The following DEPTOR variants were observed in gnomAD, a reference collection of about 807,000 sequenced individuals.
The protein encoded by DEPTOR is DEP domain-containing mTOR-interacting protein.
Under a neutral mutation model 41.6 loss-of-function variants are expected in DEPTOR, and 41 were observed. The observed-to-expected ratio is 0.98, with a 90% CI of 0.77 to 1.28. DEPTOR has a LOEUF of 1.28. Among genes scored for constraint, DEPTOR ranks in the 50% most tolerant of loss-of-function variants. The probability of loss-of-function intolerance (pLI) is 0.00; values close to 1 mark genes in which losing one functional copy is unlikely to be tolerated. For missense variants in DEPTOR, 514 were observed against 527.9 expected (o/e 0.97, Z 0.26); for synonymous variants, 195 against 192.3 (o/e 1.01, Z -0.12).
At chr8:119,920,094 G>GT (rs3029098) in intron 1 of DEPTOR, among the ~76,000 whole-genome samples, 7,493 of 150,936 alleles carry the variant, frequency 0.05, 283 homozygotes, top group South Asian at 0.17. Flanking sequence ...TAATAGGAAG[G>GT]TTTTTTTTTT....
At chr8:119,943,930 C>T (rs1015769323) in intron 3 of DEPTOR, among the ~76,000 whole-genome samples, 16 of 152,212 alleles carry the variant, frequency 1.1e-4, no homozygotes, top group African/African-American at 2.9e-4. Flanking sequence ...CTCCGCCTCC[C>T]GGGTTCACGC....
intron 1 of DEPTOR, among the ~76,000 whole-genome samples, chr8:119,908,443 A>AT (rs985969205): frequency 1.3e-5 from 2 of 152,112 alleles, no homozygotes; most frequent in South Asian, 4.2e-4. Flanking sequence ...GAAAAAAAAA[A>AT]TTTTTTTTAA....
intron 6 of DEPTOR, among the ~76,000 whole-genome samples, chr8:120,005,531 A>G (rs773140732): frequency 5.3e-5 from 8 of 152,090 alleles, no homozygotes; most frequent in Non-Finnish European, 2.9e-5. Context: ...CACTCTTTCC[A>G]GGACTGGTAC....
intron 8 of DEPTOR, among the ~76,000 whole-genome samples, chr8:120,046,655 C>G (rs1056711508): frequency 6.6e-6 from 1 of 152,134 alleles, no homozygotes; most frequent in African/African-American, 2.4e-5. Context: ...CGGAGTCTCA[C>G]TATGTTGTCC....
intron 3 of DEPTOR, among the ~76,000 whole-genome samples, chr8:119,946,149 G>C (rs1204321389): frequency 1.3e-5 from 2 of 152,018 alleles, no homozygotes; most frequent in Non-Finnish European, 2.9e-5. Context: ...GCTTCGGAGG[G>C]AAAACAAAGG....
At chr8:120,009,338 C>A (rs977092226) in intron 8 of DEPTOR, among the ~76,000 whole-genome samples, 1 of 152,100 alleles carries the variant, frequency 6.6e-6, no homozygotes, top group South Asian at 2.1e-4. Flanking sequence ...TCTAGCCAGG[C>A]GCGGTGGCTC....
intron 3 of DEPTOR, among the ~76,000 whole-genome samples, chr8:119,956,252 A>G (rs1828415469): frequency 6.6e-6 from 1 of 152,224 alleles, no homozygotes; most frequent in Non-Finnish European, 1.5e-5. Flanking sequence ...TCCTAAAATA[A>G]AATCCCACGA....
chr8:119,969,094 CA>C (rs111280654), intron 4 of DEPTOR, among the ~76,000 whole-genome samples: 100 of 137,560 alleles, frequency 7.3e-4, no homozygotes, highest in Non-Finnish European at 6.6e-4. Context: ...GACTCCATCT[CA>C]AAAAAAAAAA....
At chr8:119,996,077 T>C (rs1231763251) in intron 4 of DEPTOR, among the ~76,000 whole-genome samples, 1 of 152,210 alleles carries the variant, frequency 6.6e-6, no homozygotes, top group African/African-American at 2.4e-5. Flanking sequence ...ATTGTCACTT[T>C]TGTATGCTGA....
At chr8:119,991,116 CTTTT>C (rs201074261) in intron 4 of DEPTOR, among the ~76,000 whole-genome samples, 1,169 of 66,716 alleles carry the variant, frequency 0.018, 48 homozygotes, top group East Asian at 0.052. Context: ...TTCTTTCTTT[CTTTT>C]TTTTTTAAAT....
At chr8:120,043,283 T>C (rs1813107392) in intron 8 of DEPTOR, among the ~76,000 whole-genome samples, 1 of 152,086 alleles carries the variant, frequency 6.6e-6, no homozygotes, top group Admixed American at 6.6e-5. Flanking sequence ...CTGGCCCTAA[T>C]AGCCTAAATC....
chr8:119,876,515 G>C (rs145645540), intron 1 of DEPTOR, among the ~76,000 whole-genome samples: 2,079 of 152,124 alleles, frequency 0.014, 53 homozygotes, highest in African/African-American at 0.048. Flanking sequence ...GTGCATGCTT[G>C]TAATCCTAGC....
intron 1 of DEPTOR, among the ~76,000 whole-genome samples, chr8:119,904,940 C>T (rs532117189): frequency 6.7e-6 from 1 of 149,942 alleles, no homozygotes; most frequent in Non-Finnish European, 1.5e-5. Flanking sequence ...TACAGGCACA[C>T]GCTACCATGC....
chr8:119,971,370 A>G (rs1332667072), intron 4 of DEPTOR, among the ~76,000 whole-genome samples: 2 of 152,204 alleles, frequency 1.3e-5, no homozygotes, highest in African/African-American at 4.8e-5. Flanking sequence ...TGGGGTACAG[A>G]GGCTACCTAT....
At chr8:120,042,369 T>C (rs1813089182) in intron 8 of DEPTOR, among the ~76,000 whole-genome samples, 1 of 152,236 alleles carries the variant, frequency 6.6e-6, no homozygotes, top group Non-Finnish European at 1.5e-5. Flanking sequence ...AAATTCATTA[T>C]AACTGAATAT....
chr8:119,903,157 G>C (rs1827617173), intron 1 of DEPTOR, among the ~76,000 whole-genome samples: 2 of 152,122 alleles, frequency 1.3e-5, no homozygotes. Context: ...GGAGTGCAAT[G>C]GTGCGATCTC....
At chr8:119,888,377 G>A (rs927812285) in intron 1 of DEPTOR, among the ~76,000 whole-genome samples, 5 of 152,004 alleles carry the variant, frequency 3.3e-5, no homozygotes, top group African/African-American at 9.7e-5. Flanking sequence ...TTTAGCTCTC[G>A]ACTTGGCAGA....
At chr8:120,016,113 A>T (rs1470377621) in intron 8 of DEPTOR, among the ~76,000 whole-genome samples, 1 of 152,112 alleles carries the variant, frequency 6.6e-6, no homozygotes, top group Non-Finnish European at 1.5e-5. Flanking sequence ...GCCTAAAATA[A>T]CTTCTTAATA....
At chr8:119,916,266 A>AT (rs71304925) in intron 1 of DEPTOR, among the ~76,000 whole-genome samples, 10 of 123,304 alleles carry the variant, frequency 8.1e-5, no homozygotes, top group East Asian at 2.1e-4. Flanking sequence ...GGCTAGGCTA[A>AT]TTTTTTTTTT....
Sources: allele counts gnomAD v4.1 joint callset (sites outside exome capture counted in the v4.1 genomes callset), GRCh38; gene constraint gnomAD v4.1.1; transcripts MANE v1.5; gene names NCBI Gene and HGNC (gene_info 2026-07-23, HGNC 2026-07-21).